The following BICD1 variants were observed in gnomAD, a reference collection of about 807,000 sequenced individuals.
BICD1 encodes the protein protein bicaudal D homolog 1.
Under a neutral mutation model 92.5 loss-of-function variants are expected in BICD1, and 35 were observed. The observed-to-expected ratio is 0.38, with a 90% CI of 0.29 to 0.50. The LOEUF (loss-of-function observed/expected upper bound fraction) is 0.50. Among genes scored for constraint, BICD1 ranks in the 20% least tolerant of loss-of-function variants. The pLI, the probability that BICD1 is intolerant of heterozygous loss-of-function variation, is 0.93. For missense variants in BICD1, 950 were observed against 1,189.8 expected, an observed-to-expected ratio of 0.80 and a Z score of 2.97; for synonymous variants, 429 against 465.1, an observed-to-expected ratio of 0.92 and a Z score of 1.00.
At chr12:32,219,291 A>G (rs184324326) in intron 2 of BICD1, among the ~76,000 whole-genome samples, 125 of 152,266 alleles carry the variant, frequency 8.2e-4, no homozygotes, top group African/African-American at 2.9e-3. Flanking sequence ...TGTTGGGTGC[A>G]TCGTGAAAGA....
intron 2 of BICD1, among the ~76,000 whole-genome samples, chr12:32,269,704 G>T (rs74072033): frequency 2.0e-5 from 3 of 152,046 alleles, no homozygotes. Flanking sequence ...GACACTGGTC[G>T]ATCACCCATT....
intron 2 of BICD1, among the ~76,000 whole-genome samples, chr12:32,239,569 C>A (rs907689480): frequency 1.3e-5 from 2 of 150,398 alleles, no homozygotes; most frequent in East Asian, 4.0e-4. Flanking sequence ...GATCTCGGCT[C>A]ACGATCGTTA....
At chr12:32,163,435 A>G (rs1943658564) in intron 1 of BICD1, among the ~76,000 whole-genome samples, 1 of 152,142 alleles carries the variant, frequency 6.6e-6, no homozygotes, top group Admixed American at 6.6e-5. Flanking sequence ...ATAACATTAA[A>G]TCACCTATAA....
chr12:32,158,583 G>A (rs1200148469), intron 1 of BICD1, among the ~76,000 whole-genome samples: 1 of 152,242 alleles, frequency 6.6e-6, no homozygotes, highest in East Asian at 1.9e-4. Flanking sequence ...TTGGAACTCT[G>A]AAGGTGGCAG....
At chr12:32,157,982 A>G (rs1943488798) in intron 1 of BICD1, among the ~76,000 whole-genome samples, 1 of 152,182 alleles carries the variant, frequency 6.6e-6, no homozygotes, top group African/African-American at 2.4e-5. Flanking sequence ...AATTTTTAAA[A>G]AAGCAACACC....
chr12:32,333,123 C>T, intron 5 of BICD1: 1 of 984,450 alleles, frequency 1.0e-6, no homozygotes, highest in Non-Finnish European at 1.2e-6. Context: ...CCATGGGATT[C>T]TATGTGCTTA....
chr12:32,187,240 A>G (rs1215275027), intron 1 of BICD1, among the ~76,000 whole-genome samples: 1 of 152,238 alleles, frequency 6.6e-6, no homozygotes, highest in Admixed American at 6.5e-5. Flanking sequence ...GCTTTAGGAA[A>G]GTCTTGCAAA....
At chr12:32,113,560 T>C (rs1174275533) in intron 1 of BICD1, among the ~76,000 whole-genome samples, 3 of 151,416 alleles carry the variant, frequency 2.0e-5, no homozygotes, top group African/African-American at 4.9e-5. Context: ...TAATTTTTTT[T>C]TGAGACTGAG....
intron 1 of BICD1, among the ~76,000 whole-genome samples, chr12:32,129,431 A>C (rs112324716): frequency 2.4e-4 from 36 of 149,772 alleles, no homozygotes; most frequent in African/African-American, 7.6e-4. Context: ...AGGCTGAGGC[A>C]GGACAATTGC....
rs1427914231 is a variant in BICD1 at position 32,327,902 on chromosome 12, A to G, written c.1447A>G (p.Met483Val). The change falls in exon 5 of 10, where the codon ATG becomes GTG. Residue 483 changes from methionine (M) to valine (V), a missense_variant. Around this residue, in one of 5 missense-constraint regions of BICD1, gnomAD observed 309 missense variants for 499.4 expected, o/e 0.62. Transcript: ENST00000652176. Reference protein sequence around the residue: ...TKESGEKMAHMEKELQKMTSI... With the variant: ...TKESGEKMAHVEKELQKMTSI... ...GGAGAGTGGTGAGAAGATGGCCCAC[A>G]TGGAGAAGGAGTTGCAAAAGATGAC... 3 of 1,614,200 alleles carry G rather than the reference A, an allele frequency of 1.9e-6. No individual in the cohort carries two copies. The highest frequency in any genetic ancestry group is 2.5e-6 in the Non-Finnish European group (3 of 1,180,038).
chr12:32,266,857 CAA>C (rs35590465), intron 2 of BICD1, among the ~76,000 whole-genome samples: 5 of 138,078 alleles, frequency 3.6e-5, no homozygotes, highest in African/African-American at 2.7e-5. Flanking sequence ...GACTCTGTCT[CAA>C]AAAAAAAAAA....
At chr12:32,165,818 T>G (rs7134053) in intron 1 of BICD1, among the ~76,000 whole-genome samples, 18,732 of 152,160 alleles carry the variant, frequency 0.12, 1,576 homozygotes, top group East Asian at 0.34. Flanking sequence ...CAAGGATTCA[T>G]CTGTTCAAAA....
chr12:32,220,965 A>G (rs1179296955), intron 2 of BICD1, among the ~76,000 whole-genome samples: 32 of 149,920 alleles, frequency 2.1e-4, no homozygotes, highest in African/African-American at 7.2e-4. Flanking sequence ...GAAATTGGAA[A>G]TCATCATTCT....
At chr12:32,116,506 C>A (rs1459161658) in intron 1 of BICD1, among the ~76,000 whole-genome samples, 4,996 of 85,036 alleles carry the variant, frequency 0.059, 122 homozygotes, top group East Asian at 0.11. Flanking sequence ...CTCTCTCTCT[C>A]TCTCTATATA....
At position 32,313,930 on chromosome 12, in the gene BICD1, GC is replaced by G. The variant is rs113045550; in HGVS notation, c.1005+7810del. Among the ~76,000 whole-genome samples the G allele has an allele frequency of 0.01, 1,563 of 152,284 alleles. 27 individuals are homozygous for G. Among genetic ancestry groups the G allele is most frequent in the African/African-American group, 0.036 (1,494 of 41,554 alleles). On this transcript the variant is annotated intron_variant, in intron 4 of 9. Coordinates refer to ENST00000652176, the MANE Select transcript of BICD1 (RefSeq NM_001714.4). The surrounding 1 kb of genome is among the most constrained non-coding windows in gnomAD (Gnocchi z 4.2). ...TGGGAGGAGGTCAAGGCTGCAGTGAGCCATGACCATGCCACTGCACTCCAGC... is the reference window on the plus strand; with the variant it reads ...TGGGAGGAGGTCAAGGCTGCAGTGAGCATGACCATGCCACTGCACTCCAGC...
chr12:32,118,512 A>C (rs1009844570), intron 1 of BICD1, among the ~76,000 whole-genome samples: 9 of 152,218 alleles, frequency 5.9e-5, no homozygotes, highest in Non-Finnish European at 1.2e-4. Flanking sequence ...AAACGTATAC[A>C]GGCTTTTTTT....
At chr12:32,139,515 A>C (rs919193680) in intron 1 of BICD1, among the ~76,000 whole-genome samples, 2 of 152,148 alleles carry the variant, frequency 1.3e-5, no homozygotes, top group African/African-American at 2.4e-5. Flanking sequence ...ATTGACTTTC[A>C]AATTCAGATT....
intron 1 of BICD1, chr12:32,109,089 C>A: frequency 6.3e-6 from 1 of 157,714 alleles, no homozygotes; most frequent in Non-Finnish European, 1.4e-5. Flanking sequence ...AGGAGATGGA[C>A]TTAATTTAAT....
chr12:32,375,782 A>T (rs757567966), intron 9 of BICD1, among the ~76,000 whole-genome samples: 1 of 152,324 alleles, frequency 6.6e-6, no homozygotes, highest in Non-Finnish European at 1.5e-5. Flanking sequence ...AAAATGCAAG[A>T]GATATAGGTA....
Sources: allele counts gnomAD v4.1 joint callset (sites outside exome capture counted in the v4.1 genomes callset), GRCh38; gene constraint gnomAD v4.1.1; regional missense constraint gnomAD v4.1.1; non-coding constraint Gnocchi (gnomAD v3.1); transcripts MANE v1.5; gene names NCBI Gene and HGNC (gene_info 2026-07-23, HGNC 2026-07-21).